Variants in SETD2 observed in about 807,000 individuals in gnomAD.
SETD2 encodes histone-lysine N-methyltransferase SETD2.
Under a neutral mutation model 242.1 loss-of-function variants are expected in SETD2, and 31 were observed. That is an observed-to-expected ratio of 0.13 (90% CI 0.10 to 0.17). The LOEUF is 0.17. SETD2 is among the 10% of genes least tolerant of loss of function. The probability of loss-of-function intolerance (pLI) is 1.00; values close to 1 mark genes in which losing one functional copy is unlikely to be tolerated. For synonymous variants in SETD2, 1,006 were observed against 1,066.5 expected (o/e 0.94, Z 1.11); for missense variants, 2,481 against 3,046.3 (o/e 0.81, Z 4.37).
chr3:47,061,493 A>C (rs972373774), intron 14 of SETD2, among the ~76,000 whole-genome samples: 12 of 152,186 alleles, frequency 7.9e-5, no homozygotes, highest in Non-Finnish European at 5.9e-5. Flanking sequence ...AAAACTGGGT[A>C]ACTACATGCC....
chr3:47,053,878 T>C (rs1225856672), intron 15 of SETD2, among the ~76,000 whole-genome samples: 11 of 152,234 alleles, frequency 7.2e-5, no homozygotes, highest in Non-Finnish European at 1.6e-4. Context: ...ACCATCAAGG[T>C]ATATGGTGCT....
At chr3:47,109,150 G>A (rs1220958660) in intron 5 of SETD2, among the ~76,000 whole-genome samples, 3 of 152,192 alleles carry the variant, frequency 2.0e-5, no homozygotes, top group African/African-American at 7.2e-5. Flanking sequence ...AGCTATGGAA[G>A]GTTTAGGGGT....
intron 5 of SETD2, among the ~76,000 whole-genome samples, chr3:47,110,069 G>C (rs2042592350): frequency 6.6e-6 from 1 of 151,132 alleles, no homozygotes; most frequent in African/African-American, 2.4e-5. Flanking sequence ...CCATACAAGA[G>C]AGTATTATTC....
intron 15 of SETD2, among the ~76,000 whole-genome samples, chr3:47,050,794 A>T (rs1238804718): frequency 7.8e-6 from 1 of 128,542 alleles, no homozygotes; most frequent in Non-Finnish European, 1.5e-5. Flanking sequence ...GCAGTGGCGC[A>T]ATCTCAGCTC....
intron 18 of SETD2, 28 bp from the exon 19 acceptor site, chr3:47,019,868 T>C (rs2038141347): frequency 1.9e-6 from 3 of 1,597,016 alleles, no homozygotes; most frequent in East Asian, 4.5e-5. Context: ...AACACAGTGG[T>C]GCTGGCATGA....
intron 15 of SETD2, 147 bp from the exon 16 acceptor site, chr3:47,046,768 A>G: frequency 5.2e-6 from 3 of 577,046 alleles, no homozygotes; most frequent in Non-Finnish European, 7.7e-6. Flanking sequence ...GTGCAAAACA[A>G]TTTTTTGTTT....
rs748571014 is a variant in SETD2, at chr3:47,121,759, C to A, written c.2877G>T (p.Leu959Phe). ...AATTCCCTTCTTCTTGAGCCTCTTG[C>A]AAACATTTCCCAGATAACCCATTAT... Reference protein sequence around the residue: ...RRNNGLSGKCLQEAQEEGNSI... With the variant: ...RRNNGLSGKCFQEAQEEGNSI... The change falls in exon 3 of 21, where the codon TTG becomes TTT. Residue 959 changes from leucine (L) to phenylalanine (F), a missense_variant. By Grantham distance (22) the Leu-to-Phe change is conservative. Coordinates refer to ENST00000409792, the MANE Select transcript of SETD2 (RefSeq NM_014159.7). 1.9e-6 allele frequency: 3 copies of A among 1,614,028 alleles called. No homozygotes were observed. In the African/African-American group the frequency reaches 4.0e-5, roughly 22 times the overall value.
intron 2 of SETD2, 116 bp downstream of exon 2, chr3:47,126,532 A>C: frequency 1.8e-6 from 1 of 569,542 alleles, no homozygotes. Context: ...CTATTACTTC[A>C]TTTCACATTC....
rs2106722593 is a variant in SETD2 at position 47,124,209 on chromosome 3, G to C, written c.427C>G (p.His143Asp). 1 of 1,551,790 alleles carries C rather than the reference G, an allele frequency of 6.4e-7. No homozygotes were observed. The highest frequency in any genetic ancestry group is 8.7e-7 in the Non-Finnish European group (1 of 1,146,998). The part of the protein sequence containing the change: ...PKSRVELGKI[H>D]FKKHLLHVTS... The stretch of plus-strand genomic sequence containing the variant: ...ACATGAAGCAGATGTTTCTTAAAAT[G>C]AATTTTGCCCAATTCCACCCTTGAC... Residue 143 changes from histidine (H) to aspartate (D), a missense_variant, in exon 3 of 21, where the codon CAT (histidine) becomes GAT (aspartate). His to Asp is a moderately conservative substitution (Grantham distance 81). Coordinates refer to ENST00000409792, the MANE Select transcript of SETD2 (RefSeq NM_014159.7).
At chr3:47,057,887 C>T (rs2040147308) in intron 14 of SETD2, among the ~76,000 whole-genome samples, 1 of 152,112 alleles carries the variant, frequency 6.6e-6, no homozygotes, top group South Asian at 2.1e-4. Context: ...CTAAATTCCA[C>T]AGTACGGTTA....
At position 47,101,472 on chromosome 3, in the gene SETD2, C is replaced by T. The variant is rs2042208538; in HGVS notation, c.5001G>A (p.Gln1667=). The T allele has an allele frequency of 6.2e-7, 1 of 1,610,482 alleles. No homozygotes were observed. The highest frequency in any genetic ancestry group is 1.3e-5 in the African/African-American group (1 of 74,818). ...PSGSELTFDY[Q]FQRYGKEAQK... ...ACAATACTTACCCATATCTCTGGAACTGATAGTCAAACGTTAACTCTGAGC... is the reference window on the plus strand; with the variant it reads ...ACAATACTTACCCATATCTCTGGAATTGATAGTCAAACGTTAACTCTGAGC... The change falls in exon 8 of 21, where the codon CAG becomes CAA. Residue 1667 remains glutamine (Q), a synonymous_variant. Coordinates refer to ENST00000409792, the MANE Select transcript of SETD2 (RefSeq NM_014159.7).
intron 5 of SETD2, among the ~76,000 whole-genome samples, chr3:47,111,233 T>A (rs777586948): frequency 6.6e-6 from 1 of 152,078 alleles, no homozygotes; most frequent in Non-Finnish European, 1.5e-5. Context: ...TTGAGTTCTG[T>A]ATCAACAGTG....
At chr3:47,056,760 T>C in intron 15 of SETD2, 61 bp downstream of exon 15, 1 of 1,385,042 alleles carries the variant, frequency 7.2e-7, no homozygotes, top group African/African-American at 1.4e-5. Flanking sequence ...CTATACCAGA[T>C]TTAACTAACA....
intron 12 of SETD2, among the ~76,000 whole-genome samples, chr3:47,071,941 T>C (rs912619222): frequency 2.0e-5 from 3 of 152,160 alleles, no homozygotes; most frequent in Non-Finnish European, 2.9e-5. Context: ...AAATAATTTA[T>C]AAGAAATCTT....
chr3:47,067,427 TTTTTTG>T, intron 12 of SETD2, among the ~76,000 whole-genome samples: 1 of 145,404 alleles, frequency 6.9e-6, no homozygotes, highest in South Asian at 2.3e-4. Flanking sequence ...TTTTTTTTTT[TTTTTTG>T]AGACAAGGTC....
At chr3:47,088,946 T>C (rs545909273) in intron 9 of SETD2, among the ~76,000 whole-genome samples, 3 of 152,278 alleles carry the variant, frequency 2.0e-5, no homozygotes, top group African/African-American at 7.2e-5. Context: ...TCTGTACAAG[T>C]TGGATAAACG....
At chr3:47,104,971 G>A (rs1248960984) in intron 6 of SETD2, among the ~76,000 whole-genome samples, 1 of 152,078 alleles carries the variant, frequency 6.6e-6, no homozygotes, top group Non-Finnish European at 1.5e-5. Context: ...GTCTCACTAT[G>A]TTGCCCAGGC....
At chr3:47,025,411 C>T (rs528997454) in intron 18 of SETD2, among the ~76,000 whole-genome samples, 1 of 152,276 alleles carries the variant, frequency 6.6e-6, no homozygotes, top group East Asian at 1.9e-4. Context: ...TTAATGAGCC[C>T]ATTTCACTAG....
At chr3:47,054,924 G>A (rs529030046) in intron 15 of SETD2, among the ~76,000 whole-genome samples, 20 of 151,940 alleles carry the variant, frequency 1.3e-4, no homozygotes, top group Non-Finnish European at 2.8e-4. Context: ...TGAAAAAGTG[G>A]TTACAAATCA....
Sources: allele counts gnomAD v4.1 joint callset (sites outside exome capture counted in the v4.1 genomes callset), GRCh38; gene constraint gnomAD v4.1.1; transcripts MANE v1.5; gene names NCBI Gene and HGNC (gene_info 2026-07-23, HGNC 2026-07-21).